The following AGBL4 variants were observed in gnomAD, a reference collection of about 807,000 sequenced individuals.
AGBL4 encodes AGBL carboxypeptidase 4, also known as cytosolic carboxypeptidase 6.
AGBL4 carries 58 observed loss-of-function variants against 66.4 expected under a neutral mutation model. The observed-to-expected ratio is 0.87, with a 90% CI of 0.71 to 1.09. The LOEUF is 1.09. AGBL4 is among the 50% of genes least tolerant of loss of function. AGBL4 has a pLI of 0.00. For synonymous variants in AGBL4, 234 were observed against 222.9 expected (o/e 1.05, Z -0.44); for missense variants, 579 against 631.0 (o/e 0.92, Z 0.88).
intron 1 of AGBL4, among the ~76,000 whole-genome samples, chr1:49,957,259 T>TG (rs550700848): frequency 2.6e-3 from 389 of 152,082 alleles, no homozygotes; most frequent in Non-Finnish European, 4.5e-3. Flanking sequence ...TTACATTTGC[T>TG]AGGACTGCTT....
chr1:49,894,815 A>T (rs1181986987), intron 1 of AGBL4, among the ~76,000 whole-genome samples: 1 of 152,164 alleles, frequency 6.6e-6, no homozygotes, highest in Non-Finnish European at 1.5e-5. Flanking sequence ...ACTGGCCTTA[A>T]AGGGGAGATG....
chr1:49,097,055 C>G (rs1352235614), intron 4 of AGBL4, among the ~76,000 whole-genome samples: 1 of 152,112 alleles, frequency 6.6e-6, no homozygotes, highest in African/African-American at 2.4e-5. Context: ...TAGTAAACTT[C>G]TTAGCTTCAG....
chr1:49,153,161 C>T (rs1380362317), intron 4 of AGBL4, among the ~76,000 whole-genome samples: 1 of 152,152 alleles, frequency 6.6e-6, no homozygotes, highest in African/African-American at 2.4e-5. Context: ...CACTTCCTCA[C>T]AGATGCCTCA....
At chr1:48,525,898 A>T in the AGBL4 span, among the ~76,000 whole-genome samples, 1 of 152,182 alleles carries the variant, frequency 6.6e-6, no homozygotes, top group Non-Finnish European at 1.5e-5. Flanking sequence ...TTTATAACGC[A>T]GGAGTGTGGG....
intron 6 of AGBL4, among the ~76,000 whole-genome samples, chr1:48,740,841 T>A (rs1649807001): frequency 6.6e-6 from 1 of 152,190 alleles, no homozygotes; most frequent in Non-Finnish European, 1.5e-5. Flanking sequence ...GCTGCCATCA[T>A]TTCCAGTGCG....
intron 3 of AGBL4, among the ~76,000 whole-genome samples, chr1:49,270,724 C>T (rs1157187205): frequency 5.9e-5 from 9 of 152,072 alleles, no homozygotes; most frequent in Non-Finnish European, 1.0e-4. Context: ...CTGGGCTTTC[C>T]ATAATGAAGT....
At chr1:49,885,895 T>C (rs372991529) in intron 1 of AGBL4, among the ~76,000 whole-genome samples, 4 of 152,266 alleles carry the variant, frequency 2.6e-5, no homozygotes, top group African/African-American at 9.6e-5. Context: ...TGAAGAAATG[T>C]GGACCTAAGG....
intron 3 of AGBL4, among the ~76,000 whole-genome samples, chr1:49,464,237 T>C (rs1646577015): frequency 6.6e-6 from 1 of 151,748 alleles, no homozygotes; most frequent in Non-Finnish European, 1.5e-5. Context: ...GAAATACCAC[T>C]TGGCAATATA....
rs541010665 is a variant in AGBL4, at chr1:49,376,603, A to G, written c.283-130739T>C. Among the ~76,000 whole-genome samples, 3 of 152,150 alleles carry G rather than the reference A, an allele frequency of 2.0e-5. No individual in the cohort carries two copies. The South Asian group carries it at 6.2e-4, about 32-fold the overall frequency. On this transcript the variant is annotated intron_variant, in intron 3 of 13. Coordinates refer to ENST00000371839, the MANE Select transcript of AGBL4 (RefSeq NM_032785.4). ...ATGATTCTCTTAAACCTGAACTAAT[A>G]TTTGTAAACAGTCTCTTTATTAAAC...
chr1:49,058,577 T>A (rs1192724791), intron 4 of AGBL4, among the ~76,000 whole-genome samples: 1 of 152,186 alleles, frequency 6.6e-6, no homozygotes, highest in Non-Finnish European at 1.5e-5. Context: ...AGAACTAGTA[T>A]GGTAAATTAG....
intron 5 of AGBL4, among the ~76,000 whole-genome samples, chr1:48,992,415 G>A (rs1355792788): frequency 6.6e-6 from 1 of 152,148 alleles, no homozygotes; most frequent in African/African-American, 2.4e-5. Flanking sequence ...CACTGGGACT[G>A]TGCTGGGTCT....
intron 11 of AGBL4, among the ~76,000 whole-genome samples, chr1:48,546,896 C>CACACACAT (rs764972096): frequency 3.3e-4 from 50 of 151,220 alleles, no homozygotes; most frequent in African/African-American, 1.2e-3. Context: ...CACACACACA[C>CACACACAT]ACATACATAA....
In AGBL4 at chr1:49,487,146, T is replaced by C. The variant is rs182312275; in HGVS notation, c.282+210167A>G. Among the ~76,000 whole-genome samples the C allele has an allele frequency of 1.6e-4, 25 of 152,116 alleles. No homozygotes were observed. In the East Asian group the frequency reaches 4.5e-3, roughly 27 times the overall value. ...ATTTGTGGAAATGTTAGTATTATTA[T>C]GCTATGCTCATTATGCTATTGAGTT... On this transcript the variant is annotated intron_variant, in intron 3 of 13. Transcript: ENST00000371839.
intron 4 of AGBL4, among the ~76,000 whole-genome samples, chr1:49,086,161 T>C (rs1644903601): frequency 6.6e-6 from 1 of 152,168 alleles, no homozygotes; most frequent in Non-Finnish European, 1.5e-5. Flanking sequence ...CAATACCTGC[T>C]AGAGCTTCTA....
intron 3 of AGBL4, among the ~76,000 whole-genome samples, chr1:49,639,247 C>T (rs1259195003): frequency 2.0e-5 from 3 of 152,138 alleles, no homozygotes; most frequent in Non-Finnish European, 4.4e-5. Context: ...TCCATTCTAA[C>T]ACACACCCTG....
intron 3 of AGBL4, among the ~76,000 whole-genome samples, chr1:49,607,833 T>G (rs1299768814): frequency 6.6e-6 from 1 of 152,130 alleles, no homozygotes; most frequent in Non-Finnish European, 1.5e-5. Context: ...GCTCATAGAC[T>G]CCCTTGGAAC....
intron 1 of AGBL4, among the ~76,000 whole-genome samples, chr1:49,925,074 A>T (rs571052302): frequency 1.3e-5 from 2 of 152,336 alleles, no homozygotes; most frequent in East Asian, 3.9e-4. Flanking sequence ...GGGAGTGCTT[A>T]CATCACCTCT....
At chr1:49,684,255 T>A (rs1277219483) in intron 3 of AGBL4, among the ~76,000 whole-genome samples, 2 of 152,204 alleles carry the variant, frequency 1.3e-5, no homozygotes, top group Non-Finnish European at 2.9e-5. Context: ...AATCTCTCAT[T>A]TCTTTGGCAG....
intron 2 of AGBL4, among the ~76,000 whole-genome samples, chr1:49,785,938 T>C (rs1222792910): frequency 1.3e-5 from 2 of 150,262 alleles, no homozygotes; most frequent in Non-Finnish European, 3.0e-5. Context: ...TAGACCCACC[T>C]ACGTTATGGG....
Sources: allele counts gnomAD v4.1 joint callset (sites outside exome capture counted in the v4.1 genomes callset), GRCh38; gene constraint gnomAD v4.1.1; transcripts MANE v1.5; gene names NCBI Gene and HGNC (gene_info 2026-07-23, HGNC 2026-07-21).